DCC: variants seen among roughly 807,000 people sequenced by gnomAD.
The protein encoded by DCC is DCC netrin 1 receptor, also known as netrin receptor DCC.
Under a neutral mutation model 172.5 loss-of-function variants are expected in DCC, and 58 were observed. That is an observed-to-expected ratio of 0.34 (90% confidence interval 0.27 to 0.42). The LOEUF (loss-of-function observed/expected upper bound fraction) is 0.42, where lower values mean the gene tolerates loss of function less well. DCC is among the 10% of genes least tolerant of loss of function. The pLI is 1.00. For missense variants in DCC, 1,740 were observed against 1,791.0 expected (o/e 0.97, Z 0.51); for synonymous variants, 709 against 644.5 (o/e 1.10, Z -1.52).
intron 8 of DCC, 46 bp from the exon 9 acceptor site, chr18:53,178,916 G>A: frequency 6.2e-7 from 1 of 1,610,536 alleles, no homozygotes; most frequent in Non-Finnish European, 8.5e-7. Context: ...TTTGGCTGAA[G>A]GTATTCTTTT....
chr18:52,619,534 A>G (rs2034443424), intron 1 of DCC, among the ~76,000 whole-genome samples: 1 of 152,192 alleles, frequency 6.6e-6, no homozygotes, highest in African/African-American at 2.4e-5. Flanking sequence ...TCCCTTGAGT[A>G]TGGGTGATCC....
intron 5 of DCC, among the ~76,000 whole-genome samples, chr18:52,963,971 G>A (rs145883410): frequency 0.013 from 2,047 of 152,048 alleles, 61 homozygotes; most frequent in African/African-American, 0.047. Context: ...AGGTGCATAA[G>A]GAAAATTCCT....
chr18:52,789,115 C>G (rs1177858476), intron 2 of DCC, among the ~76,000 whole-genome samples: 2 of 152,152 alleles, frequency 1.3e-5, no homozygotes, highest in Admixed American at 1.3e-4. Context: ...ATTCCCCACA[C>G]TAAAGCTCTA....
At position 52,371,199 on chromosome 18, in the gene DCC, A is replaced by G. The variant is rs1598869659; in HGVS notation, c.91+30321A>G. Among the ~76,000 whole-genome samples the G allele has an allele frequency of 2.0e-5, 3 of 152,202 alleles. No individual in the cohort carries two copies. In the East Asian group the frequency reaches 5.8e-4, roughly 29 times the overall value. Reference sequence around the variant, plus strand: ...TAGTCTATCACTTCTTGAAACTGGTATTTTTATTTATGTATTTTTATATTT... The same window carrying G: ...TAGTCTATCACTTCTTGAAACTGGTGTTTTTATTTATGTATTTTTATATTT... On this transcript the variant is annotated intron_variant, in intron 1 of 28. Coordinates refer to ENST00000442544, the MANE Select transcript of DCC (RefSeq NM_005215.4).
At chr18:52,907,076 A>C (rs2039894489) in intron 3 of DCC, among the ~76,000 whole-genome samples, 1 of 151,648 alleles carries the variant, frequency 6.6e-6, no homozygotes, top group Non-Finnish European at 1.5e-5. Flanking sequence ...AACAGAAGCA[A>C]AGCTAGCATT....
chr18:53,149,526 G>A (rs1490486661), intron 7 of DCC, among the ~76,000 whole-genome samples: 3 of 152,160 alleles, frequency 2.0e-5, no homozygotes, highest in South Asian at 2.1e-4. Context: ...TGATGCCCTA[G>A]CCACCTCGCC....
intron 2 of DCC, among the ~76,000 whole-genome samples, chr18:52,779,010 A>G (rs1156309538): frequency 2.0e-5 from 3 of 152,192 alleles, no homozygotes; most frequent in Admixed American, 6.5e-5. Context: ...AGGACTCAGC[A>G]TTCTGCATCA....
At chr18:53,169,448 T>G (rs1464092096) in intron 8 of DCC, among the ~76,000 whole-genome samples, 1 of 152,150 alleles carries the variant, frequency 6.6e-6, no homozygotes, top group African/African-American at 2.4e-5. Flanking sequence ...TTTCATTGAG[T>G]AAATTTGCTG....
chr18:53,287,720 T>A (rs2056952510), intron 12 of DCC, among the ~76,000 whole-genome samples: 1 of 152,186 alleles, frequency 6.6e-6, no homozygotes, highest in African/African-American at 2.4e-5. Context: ...TACAGTGGTA[T>A]TTCTTACTAT....
intron 15 of DCC, among the ~76,000 whole-genome samples, chr18:53,352,174 T>C (rs867051912): frequency 1.1e-4 from 17 of 152,150 alleles, no homozygotes; most frequent in Middle Eastern, 6.8e-3. Flanking sequence ...AACAAAATAA[T>C]ATAATCCAGC....
chr18:53,197,740 A>G (rs1335798056), intron 9 of DCC, among the ~76,000 whole-genome samples: 3 of 152,110 alleles, frequency 2.0e-5, no homozygotes, highest in South Asian at 2.1e-4. Flanking sequence ...TTAAAGAAAC[A>G]TATATGAAAA....
At chr18:52,718,594 C>A (rs12970030) in intron 1 of DCC, among the ~76,000 whole-genome samples, 7 of 152,128 alleles carry the variant, frequency 4.6e-5, no homozygotes, top group Non-Finnish European at 5.9e-5. Flanking sequence ...GCCCTGCCTC[C>A]GTGTGGCTCT....
chr18:52,782,694 C>T (rs573536429), intron 2 of DCC, among the ~76,000 whole-genome samples: 3 of 151,940 alleles, frequency 2.0e-5, no homozygotes, highest in African/African-American at 7.2e-5. Context: ...ACTGGCTGAA[C>T]CTGGATCAAT....
chr18:52,978,463 A>G (rs72928170), intron 5 of DCC, among the ~76,000 whole-genome samples: 3,253 of 152,310 alleles, frequency 0.021, 60 homozygotes, highest in Admixed American at 0.039. Flanking sequence ...AAAAATTGCT[A>G]CATGTATTGA....
chr18:53,204,249 T>A (rs968402013), intron 9 of DCC, among the ~76,000 whole-genome samples: 1 of 152,060 alleles, frequency 6.6e-6, no homozygotes, highest in Admixed American at 6.6e-5. Flanking sequence ...TTCAAAATCT[T>A]AAGATACCTG....
chr18:52,875,323 T>C (rs966428820), intron 2 of DCC, among the ~76,000 whole-genome samples: 3 of 152,146 alleles, frequency 2.0e-5, no homozygotes, highest in African/African-American at 7.2e-5. Context: ...TTATCTTCTC[T>C]AATGTATTGC....
intron 27 of DCC, among the ~76,000 whole-genome samples, chr18:53,509,573 A>G (rs1005707125): frequency 1.1e-4 from 17 of 152,176 alleles, no homozygotes; most frequent in African/African-American, 3.9e-4. Context: ...AACAGATTGG[A>G]TGCTCTTAAC....
intron 7 of DCC, among the ~76,000 whole-genome samples, chr18:53,113,538 G>T (rs879638587): frequency 6.7e-6 from 1 of 150,156 alleles, no homozygotes; most frequent in Admixed American, 6.7e-5. Context: ...GGCTTTTTTG[G>T]TAACAGCTTT....
chr18:52,607,962 G>A (rs2034171494), intron 1 of DCC, among the ~76,000 whole-genome samples: 1 of 152,100 alleles, frequency 6.6e-6, no homozygotes. Flanking sequence ...ATGTGTGTTG[G>A]GCATAAATGT....
Sources: gnomAD v4.1 joint callset for allele counts (sites outside exome capture counted in the v4.1 genomes callset) on GRCh38, gnomAD v4.1.1 for gene constraint, MANE v1.5 for transcripts, NCBI Gene and HGNC (gene_info 2026-07-23, HGNC 2026-07-21) for gene names.